PHLDB3: variants seen among roughly 807,000 people sequenced by gnomAD.
PHLDB3 encodes the protein pleckstrin homology like domain family B member 3.
PHLDB3 carries 86 observed loss-of-function variants against 85.7 expected under a neutral mutation model. The ratio of observed to expected loss-of-function variants is 1.00; its 90% CI spans 0.84 to 1.20. The LOEUF is 1.20. Ranked by LOEUF, PHLDB3 falls within the 50% of genes most tolerant of loss-of-function variation. The pLI, the probability that PHLDB3 is intolerant of heterozygous loss-of-function variation, is 0.00. For missense variants in PHLDB3, 995 were observed against 873.0 expected, an observed-to-expected ratio of 1.14 and a Z score of -1.76; for synonymous variants, 376 against 349.8, an observed-to-expected ratio of 1.07 and a Z score of -0.83.
intron 9 of PHLDB3, among the ~76,000 whole-genome samples, chr19:43,492,486 G>T (rs1971343083): frequency 6.6e-6 from 1 of 152,108 alleles, no homozygotes; most frequent in Admixed American, 6.6e-5. Context: ...AAATGCTGGG[G>T]TTACAGGCAT....
chr19:43,493,294 A>ATAAATAAATAAG (rs1555755896), intron 9 of PHLDB3, among the ~76,000 whole-genome samples: 3 of 149,812 alleles, frequency 2.0e-5, no homozygotes, highest in Non-Finnish European at 4.4e-5. Context: ...AAATAAATAA[A>ATAAATAAATAAG]TAAATAAATA....
At chr19:43,501,400 G>C in intron 4 of PHLDB3, 1 of 311,080 alleles carries the variant, frequency 3.2e-6, no homozygotes, top group Non-Finnish European at 6.0e-6. Context: ...GCCCAGGCTG[G>C]TCTCAAACTC....
At chr19:43,486,356 C>G (rs2145908154) in intron 12 of PHLDB3, 34 bp from the exon 13 acceptor site, 2 of 1,581,216 alleles carry the variant, frequency 1.3e-6, no homozygotes, top group South Asian at 2.3e-5. Context: ...CAATGAGGAT[C>G]CCAGCCCATA....
At chr19:43,477,515 T>C (rs1427932563) in intron 15 of PHLDB3, among the ~76,000 whole-genome samples, 4 of 114,650 alleles carry the variant, frequency 3.5e-5, no homozygotes, top group African/African-American at 1.0e-4. Flanking sequence ...AGACTCCATC[T>C]AAAAAAAAAA....
Position 43,475,244 on chromosome 19 carries a change from G to T in PHLDB3, c.*166C>A. ...TCGGGGGCAAGGCACCTGCAACCCA[G>T]AACGCAGCAGCTCAGGCCAGCTGAA... On this transcript the variant is annotated 3_prime_UTR_variant, in exon 16 of 16. Coordinates refer to ENST00000292140, the MANE Select transcript of PHLDB3 (RefSeq NM_198850.4). The T allele has an allele frequency of 1.0e-6, 1 of 984,368 alleles. No homozygotes were observed. Among genetic ancestry groups the T allele is most frequent in the Non-Finnish European group, 1.5e-6 (1 of 689,374 alleles). The allele number at this position is 984,368 out of a possible 1,614,324, so 61.0% of individuals were successfully genotyped here.
chr19:43,475,299 T>C lies in PHLDB3; in HGVS notation c.*111A>G. ...CGCGCCTGCGGAATTCCCGGGAGAG[T>C]TCCAAAGCGGTGCGTCCAAGTTTTC... On this transcript the variant is annotated 3_prime_UTR_variant, in exon 16 of 16. Coordinates refer to ENST00000292140, the MANE Select transcript of PHLDB3 (RefSeq NM_198850.4). 1 of 1,415,972 alleles carries C rather than the reference T, an allele frequency of 7.1e-7. No homozygotes were observed. The highest frequency in any genetic ancestry group is 9.5e-7 in the Non-Finnish European group (1 of 1,050,334). 87.7% of individuals were successfully genotyped at this position (1,415,972 alleles called of 1,614,324 possible).
rs759833899 is a variant in PHLDB3 at position 43,504,072 on chromosome 19, A to G, written c.47T>C (p.Val16Ala). ...SPEEGTPPPL[V>A]PECDVEVQPQ... ...CTGGACCTCCACGTCGCATTCCGGG[A>G]CCAGCGGCGGCGGGGTCCCCTCCTC... Residue 16 changes from valine (V) to alanine (A), a missense_variant, in exon 2 of 16, where the codon GTC (valine) becomes GCC (alanine). Val to Ala is a moderately conservative substitution (Grantham distance 64, BLOSUM62 0). Coordinates refer to ENST00000292140, the MANE Select transcript of PHLDB3 (RefSeq NM_198850.4). 6.2e-7 allele frequency: 1 copy of G among 1,612,722 alleles called. No homozygotes were observed. Among genetic ancestry groups the G allele is most frequent in the Admixed American group, 1.7e-5 (1 of 59,880 alleles).
At position 43,487,023 on chromosome 19, in the gene PHLDB3, C is replaced by T. The variant is rs1455655442; in HGVS notation, c.1249+1G>A. The T allele has an allele frequency of 2.6e-6, 4 of 1,558,372 alleles. No individual in the cohort carries two copies. Among genetic ancestry groups the T allele is most frequent in the Non-Finnish European group, 3.5e-6 (4 of 1,155,404 alleles). ...GAAGTGGGGAACAGGGGGATCCTCACCAGTACAATGGAAGGACAGAGGTCG... is the reference window on the plus strand; with the variant it reads ...GAAGTGGGGAACAGGGGGATCCTCATCAGTACAATGGAAGGACAGAGGTCG... On this transcript the variant is annotated splice_donor_variant, in intron 10 of 15. Transcript: ENST00000292140. LOFTEE classifies it high-confidence loss of function.
At chr19:43,504,447 T>A in intron 1 of PHLDB3, 142 bp downstream of exon 1, 1 of 420,872 alleles carries the variant, frequency 2.4e-6, no homozygotes, top group Non-Finnish European at 4.3e-6. Context: ...AGCAGCCCCC[T>A]ACAATCTCTT....
At chr19:43,500,095 C>T (rs574717865) in intron 4 of PHLDB3, among the ~76,000 whole-genome samples, 3 of 152,140 alleles carry the variant, frequency 2.0e-5, no homozygotes, top group South Asian at 2.1e-4. Flanking sequence ...CAAAATTACC[C>T]GGGCATGGTG....
At chr19:43,485,974 G>A in intron 13 of PHLDB3, 5 of 985,382 alleles carry the variant, frequency 5.1e-6, no homozygotes, top group Non-Finnish European at 6.0e-6. Flanking sequence ...ATAAGTCCCA[G>A]CATGGACTTG....
chr19:43,487,455 G>A (rs554351915), intron 9 of PHLDB3, among the ~76,000 whole-genome samples: 48 of 151,400 alleles, frequency 3.2e-4, no homozygotes, highest in Non-Finnish European at 6.0e-4. Flanking sequence ...CGCGCCTGTA[G>A]TCCCAGCTAC....
chr19:43,487,574 C>CAA (rs760708749), intron 9 of PHLDB3, among the ~76,000 whole-genome samples: 31 of 38,486 alleles, frequency 8.1e-4, no homozygotes, highest in Admixed American at 2.7e-3. Context: ...GACTCTGTCT[C>CAA]AAAAAAAAAA....
At position 43,495,335 on chromosome 19, in the gene PHLDB3, C is replaced by T. The variant is rs1213756491; in HGVS notation, c.956G>A (p.Arg319Gln). The change falls in exon 8 of 16, where the codon CGG (arginine) becomes CAG (glutamine). Residue 319 changes from arginine to glutamine, a missense_variant. Transcript: ENST00000292140. ...GCAATTGAGCTCGAGCAGCCGGCTC[C>T]GTTCCTACCAGAAGATATGGACAGC... is the stretch of plus-strand genomic sequence containing the variant. ...EEALQALSQE[R>Q]SRLLELNCLQ... 5.6e-6 allele frequency: 9 copies of T among 1,613,202 alleles called. No homozygotes were observed. The highest frequency in any genetic ancestry group is 7.6e-6 in the Non-Finnish European group (9 of 1,179,564).
intron 10 of PHLDB3, 31 bp downstream of exon 10, chr19:43,486,993 G>T (rs757979109): frequency 6.6e-7 from 1 of 1,510,436 alleles, no homozygotes; most frequent in Admixed American, 2.3e-5. Context: ...TGCTGATGTG[G>T]GAAGGAAGTG....
At position 43,487,070 on chromosome 19, in the gene PHLDB3, CCT is replaced by C. The variant is rs1491075877; in HGVS notation, c.1201_1202del (p.Arg401GlyfsTer16). 10 of 1,579,320 alleles carry C rather than the reference CCT, an allele frequency of 6.3e-6. No individual in the cohort carries two copies. Among genetic ancestry groups the C allele is most frequent in the Non-Finnish European group, 8.6e-6 (10 of 1,163,296 alleles). Reference sequence around the variant, plus strand: ...GTCGGGGGGATCCTCTCTGGCTCCCCCTCTCCCCCCTTTTCCGGGGCAGGCTC... The same window carrying C: ...GTCGGGGGGATCCTCTCTGGCTCCCCCTCCCCCCTTTTCCGGGGCAGGCTC... The part of the protein sequence containing the change: ...TGSLPRKRGE[R>X]GSQRGSPRPL... On this transcript the variant is annotated frameshift_variant, in exon 10 of 16. Transcript: ENST00000292140. LOFTEE classifies it high-confidence loss of function.
chr19:43,504,215 G>T, intron 1 of PHLDB3, 83 bp from the exon 2 acceptor site: 1 of 1,258,988 alleles, frequency 7.9e-7, no homozygotes, highest in Non-Finnish European at 1.1e-6. Context: ...GGGGCGCGGA[G>T]ACCCCCCCCC....
intron 2 of PHLDB3, among the ~76,000 whole-genome samples, chr19:43,503,360 T>C (rs959952579): frequency 2.9e-4 from 44 of 151,934 alleles, no homozygotes; most frequent in African/African-American, 1.0e-3. Context: ...TGGGGTGCAG[T>C]GGCGCAGTCA....
chr19:43,497,455 C>T (rs527938830), intron 5 of PHLDB3, among the ~76,000 whole-genome samples, 176 bp from the exon 6 acceptor site: 1 of 152,300 alleles, frequency 6.6e-6, no homozygotes, highest in East Asian at 1.9e-4. Flanking sequence ...TGGCTCACGC[C>T]TGTAATCCCA....
Sources: allele counts gnomAD v4.1 joint callset (sites outside exome capture counted in the v4.1 genomes callset), GRCh38; gene constraint gnomAD v4.1.1; transcripts MANE v1.5; gene names NCBI Gene and HGNC (gene_info 2026-07-23, HGNC 2026-07-21).